Variants in DEFB128 observed in about 807,000 individuals in gnomAD.
The protein encoded by DEFB128 is defensin beta 128.
A neutral mutation model predicts 2.4 loss-of-function variants in DEFB128; 1 was observed. The ratio of observed to expected loss-of-function variants is 0.41; its 90% CI spans 0.15 to 1.96. The LOEUF (loss-of-function observed/expected upper bound fraction) is 1.96, where lower values mean the gene tolerates loss of function less well. Among genes scored for constraint, DEFB128 ranks in the 30% most tolerant of loss-of-function variants. DEFB128 has a pLI of 0.30. For synonymous variants in DEFB128, 59 were observed against 39.1 expected (o/e 1.51, Z -1.89); for missense variants, 129 against 104.9 (o/e 1.23, Z -1.00).
intron 1 of DEFB128, among the ~76,000 whole-genome samples, chr20:189,229 G>T (rs1276182197): frequency 6.6e-6 from 1 of 152,156 alleles, no homozygotes; most frequent in African/African-American, 2.4e-5. Flanking sequence ...ACTCCAAAAT[G>T]TGTGCTATTT....
intron 1 of DEFB128, among the ~76,000 whole-genome samples, chr20:188,590 T>A (rs1275241865): frequency 6.6e-6 from 1 of 152,196 alleles, no homozygotes; most frequent in African/African-American, 2.4e-5. Flanking sequence ...TTTAACTTAA[T>A]TCGGTTTCAC....
chr20:189,698 G>A lies in DEFB128; in HGVS notation c.-75C>T, dbSNP rs2011120384. On this transcript the variant is annotated 5_prime_UTR_variant, in exon 1 of 2. Transcript: ENST00000334391. ...CTGTGTGCCACAGGTCTTTAAAGAT[G>A]ATCCAGAGTTTTGAGAGCTATCAGC... 1 of 1,542,904 alleles carries A rather than the reference G, an allele frequency of 6.5e-7. No homozygotes were observed. The highest frequency in any genetic ancestry group is 1.4e-5 in the African/African-American group (1 of 73,264).
Position 188,209 on chromosome 20 carries a change from T to C in DEFB128, c.50-91A>G, listed in dbSNP as rs188211410. The C allele has an allele frequency of 9.7e-4, 1,132 of 1,170,398 alleles. 6 individuals are homozygous for C. Among genetic ancestry groups the C allele is most frequent in the Non-Finnish European group, 9.0e-5 (71 of 786,616 alleles). 72.5% of individuals were successfully genotyped at this position (1,170,398 alleles called of 1,614,324 possible). A position where few individuals can be genotyped will look rare whatever the true frequency, so the allele number is the denominator to read the frequency against. On this transcript the variant is annotated intron_variant, in intron 1 of 1. Transcript: ENST00000334391. ...TGGTTCCCCACAAGTCATGGCCTCC[T>C]ATGGTCCCAAGTGAACATTATGCTG... is the stretch of plus-strand genomic sequence containing the variant.
At chr20:188,593 G>A (rs116556409) in intron 1 of DEFB128, among the ~76,000 whole-genome samples, 6 of 152,062 alleles carry the variant, frequency 3.9e-5, no homozygotes, top group Admixed American at 6.6e-5. Context: ...AACTTAATTC[G>A]GTTTCACACT....
intron 1 of DEFB128, among the ~76,000 whole-genome samples, chr20:189,017 G>T (rs2011117388): frequency 6.6e-6 from 1 of 152,148 alleles, no homozygotes; most frequent in Admixed American, 6.5e-5. Context: ...AAGAGAGAAG[G>T]TAACTCTCAC....
At position 187,984 on chromosome 20, in the gene DEFB128, G is replaced by A. The variant is rs187986160; in HGVS notation, c.184C>T (p.His62Tyr). The A allele has an allele frequency of 2.2e-5, 35 of 1,613,836 alleles. No individual in the cohort carries two copies. In the South Asian group the frequency reaches 3.0e-4, roughly 14 times the overall value. ...TGATGTGGCTTCTTAAATGACACAT[G>A]TTTTTTCTCTTCTTCATCATTAGCA... is the stretch of plus-strand genomic sequence containing the variant. ...CCANDEEEKK[H>Y]VSFKKPHQHS... The change falls in exon 2 of 2, where the codon CAT (histidine) becomes TAT (tyrosine). Residue 62 changes from histidine (H) to tyrosine (Y), a missense_variant. Transcript: ENST00000334391.
At chr20:188,194 C>G (rs1284228317) in intron 1 of DEFB128, 76 bp from the exon 2 acceptor site, 4 of 1,317,322 alleles carry the variant, frequency 3.0e-6, no homozygotes, top group Non-Finnish European at 4.4e-6. Context: ...TGGTTCCCCA[C>G]AAGTCATGGC....
chr20:189,479 G>C lies in DEFB128; in HGVS notation c.49+96C>G, dbSNP rs559983090. Reference sequence around the variant, plus strand: ...ACCAGGAGAATGGGTACTTTTTTATGATTTTGGCCAAATATAAATAATCTT... The same window carrying C: ...ACCAGGAGAATGGGTACTTTTTTATCATTTTGGCCAAATATAAATAATCTT... On this transcript the variant is annotated intron_variant, in intron 1 of 1. Coordinates refer to ENST00000334391, the MANE Select transcript of DEFB128 (RefSeq NM_001037732.3). 5 of 1,411,108 alleles carry C rather than the reference G, an allele frequency of 3.5e-6. No individual in the cohort carries two copies. The Admixed American group carries it at 5.4e-5, about 15-fold the overall frequency. 87.4% of individuals were successfully genotyped at this position (1,411,108 alleles called of 1,614,324 possible). A position where few individuals can be genotyped will look rare whatever the true frequency, so the allele number is the denominator to read the frequency against.
Position 189,632 on chromosome 20 carries a change from A to C in DEFB128, c.-9T>G. The C allele has an allele frequency of 6.2e-7, 1 of 1,613,790 alleles. No individual in the cohort carries two copies. The highest frequency in any genetic ancestry group is 8.5e-7 in the Non-Finnish European group (1 of 1,179,790). ...ACCAGAAACAGCTTCATATTTACAG[A>C]CTTCCCAAGAGAAAGAGGCAGCAGA... On this transcript the variant is annotated 5_prime_UTR_variant, in exon 1 of 2. Coordinates refer to ENST00000334391, the MANE Select transcript of DEFB128 (RefSeq NM_001037732.3).
chr20:189,678 T>A lies in DEFB128; in HGVS notation c.-55A>T. 2 of 1,582,928 alleles carry A rather than the reference T, an allele frequency of 1.3e-6. No individual in the cohort carries two copies. The highest frequency in any genetic ancestry group is 1.7e-6 in the Non-Finnish European group (2 of 1,152,404). On this transcript the variant is annotated 5_prime_UTR_variant, in exon 1 of 2. Transcript: ENST00000334391. ...GCAGAACTTTGTCCAGTGGTCTGTGTGCCACAGGTCTTTAAAGATGATCCA... is the reference window on the plus strand; with the variant it reads ...GCAGAACTTTGTCCAGTGGTCTGTGAGCCACAGGTCTTTAAAGATGATCCA...
intron 1 of DEFB128, among the ~76,000 whole-genome samples, chr20:189,001 C>T (rs554881415): frequency 3.9e-5 from 6 of 152,104 alleles, no homozygotes; most frequent in Non-Finnish European, 8.8e-5. Context: ...ATGCCTTCTT[C>T]CTAGCAAGAG....
rs745718084 is a variant in DEFB128 at position 187,872 on chromosome 20, G to C, written c.*14C>G. On this transcript the variant is annotated 3_prime_UTR_variant, in exon 2 of 2. Coordinates refer to ENST00000334391, the MANE Select transcript of DEFB128 (RefSeq NM_001037732.3). ...GAAGAGTGGAGACCAGCGAGACAAG[G>C]GCTAGATTTAGGATTAGACTGTGAA... 2.5e-6 allele frequency: 4 copies of C among 1,613,186 alleles called. No individual in the cohort carries two copies. The Admixed American group carries it at 6.7e-5, about 27-fold the overall frequency.
chr20:188,125 A>G lies in DEFB128; in HGVS notation c.50-7T>C, dbSNP rs778813412. On this transcript the variant is annotated splice_polypyrimidine_tract_variant and splice_region_variant and intron_variant, in intron 1 of 1. Coordinates refer to ENST00000334391, the MANE Select transcript of DEFB128 (RefSeq NM_001037732.3). Reference sequence around the variant, plus strand: ...TTTTTGAGTCTTGCCCCGTCTGTGCATAGGAAACAACATTGAACCAAGGTT... The same window carrying G: ...TTTTTGAGTCTTGCCCCGTCTGTGCGTAGGAAACAACATTGAACCAAGGTT... 10 of 1,613,048 alleles carry G rather than the reference A, an allele frequency of 6.2e-6. 1 individual carries two copies. In the South Asian group the frequency reaches 8.8e-5, roughly 14 times the overall value.
chr20:189,326 A>G (rs2011118465), intron 1 of DEFB128, among the ~76,000 whole-genome samples: 1 of 152,202 alleles, frequency 6.6e-6, no homozygotes, highest in African/African-American at 2.4e-5. Flanking sequence ...GTCCAGCATT[A>G]TAAAGATAAT....
intron 1 of DEFB128, 109 bp downstream of exon 1, chr20:189,466 G>T: frequency 1.6e-6 from 2 of 1,264,010 alleles, no homozygotes; most frequent in East Asian, 4.7e-5. Flanking sequence ...CAGGAGAATG[G>T]GTACTTTTTT....
intron 1 of DEFB128, among the ~76,000 whole-genome samples, chr20:189,161 T>G (rs1371669666): frequency 6.6e-6 from 1 of 152,182 alleles, no homozygotes; most frequent in Non-Finnish European, 1.5e-5. Context: ...GGAAATAATG[T>G]GCTTAATTCA....
intron 1 of DEFB128, among the ~76,000 whole-genome samples, chr20:188,611 A>T (rs984537874): frequency 1.3e-5 from 2 of 152,190 alleles, no homozygotes; most frequent in African/African-American, 4.8e-5. Flanking sequence ...ACTCACTGAT[A>T]TGGGCAACAG....
At chr20:188,945 T>A (rs1056576311) in intron 1 of DEFB128, among the ~76,000 whole-genome samples, 10 of 152,168 alleles carry the variant, frequency 6.6e-5, no homozygotes, top group African/African-American at 2.4e-4. Context: ...TCAGGGAACA[T>A]CTTTGAGGGT....
chr20:189,257 C>T (rs2011118197), intron 1 of DEFB128, among the ~76,000 whole-genome samples: 1 of 152,148 alleles, frequency 6.6e-6, no homozygotes, highest in African/African-American at 2.4e-5. Context: ...TGTTGTAGTA[C>T]AGGCTGAAAA....
Sources: allele counts gnomAD v4.1 joint callset (sites outside exome capture counted in the v4.1 genomes callset), GRCh38; gene constraint gnomAD v4.1.1; transcripts MANE v1.5; gene names NCBI Gene and HGNC (gene_info 2026-07-23, HGNC 2026-07-21).